COPA: variants seen among roughly 807,000 people sequenced by gnomAD.
COPA encodes the protein coatomer subunit alpha.
A neutral mutation model predicts 158.7 loss-of-function variants in COPA; 10 were observed. The ratio of observed to expected loss-of-function variants is 0.06; its 90% CI spans 0.04 to 0.11. COPA has a LOEUF of 0.11. Ranked by LOEUF, COPA falls within the 10% of genes least tolerant of loss-of-function variation. The pLI is 1.00. For missense variants in COPA, 1,065 were observed against 1,536.7 expected, an observed-to-expected ratio of 0.69 and a Z score of 5.13; for synonymous variants, 462 against 542.8, an observed-to-expected ratio of 0.85 and a Z score of 2.07.
intron 3 of COPA, among the ~76,000 whole-genome samples, chr1:160,338,015 A>G (rs1647854373): frequency 6.6e-6 from 1 of 152,162 alleles, no homozygotes; most frequent in African/African-American, 2.4e-5. Context: ...AACCCTAGAC[A>G]ATCACTAACC....
chr1:160,325,418 A>C (rs1397963554), intron 7 of COPA, 125 bp downstream of exon 7: 3 of 793,750 alleles, frequency 3.8e-6, no homozygotes, highest in Non-Finnish European at 6.3e-6. Context: ...TAGTACCTCA[A>C]ACAGTGCCTG....
At position 160,291,438 on chromosome 1, in the gene COPA, C is replaced by T. The variant is rs1259718803; in HGVS notation, c.3317G>A (p.Arg1106His). Residue 1106 changes from arginine (R) to histidine (H), a missense_variant, in exon 31 of 33, where the codon CGT becomes CAT. This residue lies in a region of COPA where 980 missense variants were observed against 1,357.8 expected (regional missense o/e 0.72). Coordinates refer to ENST00000241704, the MANE Select transcript of COPA (RefSeq NM_004371.4). ...CTTGAAGAACAGATTGAGGGCTGTA[C>T]GCAGCACCAGGATCATGTGCACAGG... ...LQPVHMILVL[R>H]TALNLFFKLK... The T allele has an allele frequency of 2.5e-6, 4 of 1,614,096 alleles. No homozygotes were observed. The highest frequency in any genetic ancestry group is 2.5e-6 in the Non-Finnish European group (3 of 1,179,998).
Position 160,323,480 on chromosome 1 carries a change from A to G in COPA, c.657T>C (p.Leu219=). ...GACGATCATCTGCCCCAGATACAAT[A>G]AGGGGCATAGTGGGGTGGAAGGCAG... ...NWAAFHPTMP[L]IVSGADDRQV... Residue 219 remains leucine, a synonymous_variant, in exon 8 of 33, where the codon CTT becomes CTC. Transcript: ENST00000241704. 1 of 1,611,008 alleles carries G rather than the reference A, an allele frequency of 6.2e-7. No homozygotes were observed. Among genetic ancestry groups the G allele is most frequent in the Non-Finnish European group, 8.5e-7 (1 of 1,178,118 alleles).
intron 3 of COPA, among the ~76,000 whole-genome samples, chr1:160,336,456 C>G (rs1387392323): frequency 1.3e-5 from 2 of 152,100 alleles, no homozygotes; most frequent in African/African-American, 4.8e-5. Flanking sequence ...GTGGTCTGTA[C>G]TCACCTGTCA....
intron 6 of COPA, among the ~76,000 whole-genome samples, chr1:160,330,329 T>C (rs1571180010): frequency 6.6e-6 from 1 of 152,230 alleles, no homozygotes; most frequent in East Asian, 1.9e-4. Context: ...TCACAGTGCC[T>C]GTGTCTAGCT....
intron 8 of COPA, among the ~76,000 whole-genome samples, chr1:160,315,086 G>A (rs1571166719): frequency 6.6e-6 from 1 of 152,150 alleles, no homozygotes; most frequent in African/African-American, 2.4e-5. Context: ...ATATGACAAT[G>A]AGACAGTTCC....
chr1:160,330,412 T>C (rs6692223), intron 6 of COPA, among the ~76,000 whole-genome samples: 2,423 of 152,282 alleles, frequency 0.016, 64 homozygotes, highest in African/African-American at 0.054. Context: ...AAAACTGCAA[T>C]GGCAAAGCCC....
chr1:160,322,585 A>AAT (rs780176765), intron 8 of COPA, among the ~76,000 whole-genome samples: 44 of 152,180 alleles, frequency 2.9e-4, no homozygotes, highest in Non-Finnish European at 4.6e-4. Context: ...CAGAGGCTGA[A>AAT]ATATATATAC....
chr1:160,297,881 T>A, intron 19 of COPA, 136 bp from the exon 20 acceptor site: 1 of 1,005,266 alleles, frequency 9.9e-7, no homozygotes, highest in Non-Finnish European at 1.4e-6. Context: ...GCTTTTAGTC[T>A]AATTCCATTG....
intron 25 of COPA, among the ~76,000 whole-genome samples, 156 bp from the exon 26 acceptor site, chr1:160,293,619 C>T (rs147167443): frequency 2.0e-5 from 3 of 152,032 alleles, no homozygotes; most frequent in East Asian, 3.9e-4. Context: ...CTCAGCTTCC[C>T]GAGTAGCTGG....
intron 17 of COPA, among the ~76,000 whole-genome samples, chr1:160,300,834 A>G (rs1157430594): frequency 6.6e-6 from 1 of 152,234 alleles, no homozygotes; most frequent in Non-Finnish European, 1.5e-5. Flanking sequence ...TTTATAAAAA[A>G]TCAGCTGGGC....
rs1647983902 is a variant in COPA, at chr1:160,340,412, C to T, written c.41-118G>A. 3 of 660,008 alleles carry T rather than the reference C, an allele frequency of 4.5e-6. No homozygotes were observed. The East Asian group carries it at 8.2e-5, about 18-fold the overall frequency. The allele number at this position is 660,008 out of a possible 1,614,324, so 40.9% of individuals were successfully genotyped here. On this transcript the variant is annotated intron_variant, in intron 1 of 32. Coordinates refer to ENST00000241704, the MANE Select transcript of COPA (RefSeq NM_004371.4). Reference sequence around the variant, plus strand: ...ATCCTAGGTTCATTCATTCGACATGCTTGATGATTTTTTACTGGATGCCAG... The same window carrying T: ...ATCCTAGGTTCATTCATTCGACATGTTTGATGATTTTTTACTGGATGCCAG...
chr1:160,304,078 G>A lies in COPA; in HGVS notation c.1667+1355C>T, dbSNP rs116376200. ...TGCCCAGGCTGGAGTGCAATGGTAC[G>A]ACCATGGATCACTGCAGCCTTTGCC... On this transcript the variant is annotated intron_variant, in intron 17 of 32. Transcript: ENST00000241704. 8.0e-3 allele frequency among the ~76,000 whole-genome samples: 1,221 copies of A among 151,858 alleles called. 17 individuals carry two copies. Among genetic ancestry groups the A allele is most frequent in the African/African-American group, 0.028 (1,150 of 41,438 alleles).
chr1:160,317,506 T>C (rs1174290130), intron 8 of COPA: 1 of 1,609,332 alleles, frequency 6.2e-7, no homozygotes, highest in African/African-American at 1.3e-5. Context: ...TGAGATTCAC[T>C]TCAAAGTGAA....
Position 160,327,320 on chromosome 1 carries a change from G to A in COPA, c.497-1668C>T, listed in dbSNP as rs541736173. Among the ~76,000 whole-genome samples the A allele has an allele frequency of 4.0e-5, 6 of 148,366 alleles. No homozygotes were observed. The East Asian group carries it at 1.0e-3, about 25-fold the overall frequency. Reference sequence around the variant, plus strand: ...GGGAGGCTGAGACAGGTGAACCACCGCAGGTCAGGAGTTTGAGGTCTGCCT... The same window carrying A: ...GGGAGGCTGAGACAGGTGAACCACCACAGGTCAGGAGTTTGAGGTCTGCCT... On this transcript the variant is annotated intron_variant, in intron 6 of 32. Transcript: ENST00000241704.
chr1:160,295,990 T>G, intron 22 of COPA, 71 bp downstream of exon 22: 1 of 1,584,396 alleles, frequency 6.3e-7, no homozygotes, highest in Non-Finnish European at 8.7e-7. Context: ...GTGACATTCA[T>G]AATTTTAAAT....
Position 160,307,211 on chromosome 1 carries a change from G to A in COPA, c.1254C>T (p.Ala418=), listed in dbSNP as rs143948659. The A allele has an allele frequency of 1.4e-5, 23 of 1,614,184 alleles. No homozygotes were observed. Among genetic ancestry groups the A allele is most frequent in the East Asian group, 4.5e-5 (2 of 44,886 alleles). ...CAAACCGATTTCGAGCGACCCAAAC[G>A]GCTGTCAGGCCTGAGGATCGTTTCC... The part of the protein sequence containing the change: ...PEGKRSSGLT[A]VWVARNRFAV... The change falls in exon 14 of 33, where the codon GCC becomes GCT. Residue 418 remains alanine (A), a synonymous_variant. Transcript: ENST00000241704.
In COPA at chr1:160,294,465, G is replaced by A. The variant is rs762228968; in HGVS notation, c.2676+19C>T. The A allele has an allele frequency of 6.2e-7, 1 of 1,606,156 alleles. No homozygotes were observed. Among genetic ancestry groups the A allele is most frequent in the South Asian group, 1.1e-5 (1 of 90,906 alleles). ...GGGAGATACGGAGAGAACCTTCTAAGGGTACAAATTCCACATACCAGCTCA... is the reference window on the plus strand; with the variant it reads ...GGGAGATACGGAGAGAACCTTCTAAAGGTACAAATTCCACATACCAGCTCA... On this transcript the variant is annotated intron_variant, in intron 25 of 32. Coordinates refer to ENST00000241704, the MANE Select transcript of COPA (RefSeq NM_004371.4).
chr1:160,317,485 C>T (rs1659187098), intron 8 of COPA: 2 of 1,609,184 alleles, frequency 1.2e-6, no homozygotes, highest in Non-Finnish European at 8.5e-7. Flanking sequence ...AGTCATTGGA[C>T]AGGATAGCAG....
Sources: gnomAD v4.1 joint callset for allele counts (sites outside exome capture counted in the v4.1 genomes callset) on GRCh38, gnomAD v4.1.1 for gene constraint, gnomAD v4.1.1 regional missense constraint, MANE v1.5 for transcripts, NCBI Gene and HGNC (gene_info 2026-07-23, HGNC 2026-07-21) for gene names.